The following LLGL1 variants were observed in gnomAD, a reference collection of about 807,000 sequenced individuals.
The protein encoded by LLGL1 is LLGL scribble cell polarity complex component 1.
LLGL1 carries 58 observed loss-of-function variants against 110.6 expected under a neutral mutation model. The ratio of observed to expected loss-of-function variants is 0.52; its 90% CI spans 0.42 to 0.65. The LOEUF (loss-of-function observed/expected upper bound fraction) is 0.65. LLGL1 is among the 30% of genes least tolerant of loss of function. The pLI, the probability that LLGL1 is intolerant of heterozygous loss-of-function variation, is 0.00. For missense variants in LLGL1, 1,229 were observed against 1,462.1 expected (o/e 0.84, Z 2.60); for synonymous variants, 674 against 607.2 (o/e 1.11, Z -1.62).
rs1457741341 is a variant in LLGL1, at chr17:18,234,329, C to T, written c.771C>T (p.Ser257=). The change falls in exon 7 of 23, where the codon AGC becomes AGT. Residue 257 remains serine, a synonymous_variant. Coordinates refer to ENST00000316843, the MANE Select transcript of LLGL1 (RefSeq NM_004140.4). ...GCAGCACTGTGGTCAGCTCACACAG[C>T]GATGGCAGCTATGCTGTCTGGTCTG... is the stretch of plus-strand genomic sequence containing the variant. The part of the protein sequence containing the change: ...RDSSTVVSSH[S]DGSYAVWSVD... 10 of 1,611,960 alleles carry T rather than the reference C, an allele frequency of 6.2e-6. No individual in the cohort carries two copies. In the South Asian group the frequency reaches 6.6e-5, roughly 11 times the overall value.
chr17:18,237,330 T>C, intron 13 of LLGL1, 151 bp from the exon 14 acceptor site: 3 of 731,868 alleles, frequency 4.1e-6, no homozygotes, highest in South Asian at 3.8e-5. Flanking sequence ...ACAGTAGGCA[T>C]TCAGTGAGTG....
rs774656989 is a variant in LLGL1 at position 18,235,249 on chromosome 17, G to C, written c.1221G>C (p.Lys407Asn). ...CSAHVASVPA[K>N]LWARIVSAGE... The stretch of plus-strand genomic sequence containing the variant: ...CCCACGTGGCCAGTGTCCCCGCCAA[G>C]CTGTGGGCCCGCATTGTGAGCGCTG... The change falls in exon 10 of 23, where the codon AAG (lysine) becomes AAC (asparagine). Residue 407 changes from lysine to asparagine, a missense_variant. Coordinates refer to ENST00000316843, the MANE Select transcript of LLGL1 (RefSeq NM_004140.4). 6.2e-7 allele frequency: 1 copy of C among 1,610,788 alleles called. No homozygotes were observed. Among genetic ancestry groups the C allele is most frequent in the African/African-American group, 1.3e-5 (1 of 75,060 alleles).
intron 16 of LLGL1, among the ~76,000 whole-genome samples, chr17:18,238,819 A>G (rs1567694019): frequency 6.6e-6 from 1 of 152,116 alleles, no homozygotes; most frequent in African/African-American, 2.4e-5. Flanking sequence ...GAGACCCGCC[A>G]GGCCAACATG....
intron 8 of LLGL1, 48 bp downstream of exon 8, chr17:18,234,751 G>A (rs1266180116): frequency 1.2e-6 from 2 of 1,613,640 alleles, no homozygotes; most frequent in African/African-American, 1.3e-5. Context: ...CTGGCTAGGG[G>A]GCTGGAAGGG....
chr17:18,240,796 G>T lies in LLGL1; in HGVS notation c.2425G>T (p.Ala809Ser), dbSNP rs776872146. Residue 809 changes from alanine (A) to serine (S), a missense_variant, in exon 17 of 23, where the codon GCC (alanine) becomes TCC (serine). Ala to Ser is a moderately conservative substitution (Grantham distance 99). Transcript: ENST00000316843. This position sits in a 1 kb window ranked among gnomAD's most constrained non-coding sequence, Gnocchi z 5.3. ...CCGCCCACTGCCCGAGCCCTACGAG[G>T]CCTCACGGGACCTGGCGCAGGCACC... ...RGRPLPEPYE[A>S]SRDLAQAPDM... is the part of the protein sequence containing the mutation. 5.0e-5 allele frequency: 80 copies of T among 1,591,880 alleles called. No individual in the cohort carries two copies. Among genetic ancestry groups the T allele is most frequent in the Non-Finnish European group, 6.5e-5 (76 of 1,167,694 alleles).
chr17:18,230,593 G>A (rs1377819633), intron 2 of LLGL1, among the ~76,000 whole-genome samples: 1 of 152,008 alleles, frequency 6.6e-6, no homozygotes, highest in Admixed American at 6.6e-5. Flanking sequence ...GGGTGGGGGT[G>A]GGGGCAGGCC....
Position 18,242,279 on chromosome 17 carries a change from G to T in LLGL1, c.2995+1G>T. On this transcript the variant is annotated splice_donor_variant, in intron 20 of 22. Transcript: ENST00000316843. LOFTEE classifies it high-confidence loss of function. ...GATCCAGCCCACAGCATGGGACCTGGTGAGGGGGGCATGAAAGGGGTCCAG... is the reference window on the plus strand; with the variant it reads ...GATCCAGCCCACAGCATGGGACCTGTTGAGGGGGGCATGAAAGGGGTCCAG... The T allele has an allele frequency of 6.2e-7, 1 of 1,612,468 alleles. No homozygotes were observed. The highest frequency in any genetic ancestry group is 2.2e-5 in the East Asian group (1 of 44,874).
rs1242909731 is a variant in LLGL1 at position 18,242,768 on chromosome 17, C to T, written c.3142C>T (p.Leu1048=). The change falls in exon 22 of 23, where the codon CTG becomes TTG. Residue 1048 remains leucine, a synonymous_variant. Coordinates refer to ENST00000316843, the MANE Select transcript of LLGL1 (RefSeq NM_004140.4). ...LGSSEESEKN[L]RNLAEDEAHA... is the part of the protein sequence containing the mutation. ...CTCCTCTGAGGAGTCAGAGAAGAAC[C>T]TGAGGAACCTGGCAGAAGACGAGGC... 3 of 1,569,550 alleles carry T rather than the reference C, an allele frequency of 1.9e-6. No homozygotes were observed. Among genetic ancestry groups the T allele is most frequent in the Non-Finnish European group, 2.6e-6 (3 of 1,156,836 alleles).
chr17:18,236,755 C>T lies in LLGL1; in HGVS notation c.1501C>T (p.Arg501Cys), dbSNP rs751365881. ...TGCCGAGGACGACTGGCCACCCTTC[C>T]GCAAGGTGGGCCCCTCCCCTGGCCC... ...QAAEDDWPPF[R>C]KVGCFDPYSD... is the part of the protein sequence containing the mutation. The change falls in exon 12 of 23, where the codon CGC becomes TGC. Residue 501 changes from arginine to cysteine, a missense_variant. Transcript: ENST00000316843. The T allele has an allele frequency of 1.7e-5, 28 of 1,612,556 alleles. No homozygotes were observed. Among genetic ancestry groups the T allele is most frequent in the East Asian group, 6.7e-5 (3 of 44,874 alleles).
rs767126252 is a variant in LLGL1 at position 18,232,477 on chromosome 17, T to G, written c.180-18T>G. 2 of 1,610,758 alleles carry G rather than the reference T, an allele frequency of 1.2e-6. No individual in the cohort carries two copies. The highest frequency in any genetic ancestry group is 1.3e-5 in the African/African-American group (1 of 74,864). ...TTGCTGGTCTATGCCTATTTCCACC[T>G]TGACCTGCCACCCTCAGCTATGGTG... On this transcript the variant is annotated intron_variant, in intron 2 of 22. Coordinates refer to ENST00000316843, the MANE Select transcript of LLGL1 (RefSeq NM_004140.4).
chr17:18,235,377 TA>T, intron 10 of LLGL1, 65 bp downstream of exon 10: 1 of 1,605,720 alleles, frequency 6.2e-7, no homozygotes, highest in Non-Finnish European at 8.5e-7. Flanking sequence ...GTTTCAGTTC[TA>T]AGCCCGGAGG....
chr17:18,232,606 C>G, intron 3 of LLGL1, 30 bp downstream of exon 3: 1 of 1,614,062 alleles, frequency 6.2e-7, no homozygotes, highest in East Asian at 2.2e-5. Context: ...TAGCCAGCTC[C>G]CTGTGGCCCC....
At chr17:18,232,900 G>A (rs1025788034) in intron 4 of LLGL1, 98 bp downstream of exon 4, 8 of 1,499,194 alleles carry the variant, frequency 5.3e-6, no homozygotes, top group African/African-American at 1.4e-5. Flanking sequence ...GATGGGCAGC[G>A]GTTCAGGGCG....
At chr17:18,234,244 C>T in intron 6 of LLGL1, 29 bp from the exon 7 acceptor site, 5 of 1,594,080 alleles carry the variant, frequency 3.1e-6, no homozygotes, top group South Asian at 1.1e-5. Flanking sequence ...CTCATGCCTG[C>T]CTGCCTGCCT....
At chr17:18,239,360 A>G (rs2047770528) in intron 16 of LLGL1, among the ~76,000 whole-genome samples, 1 of 152,094 alleles carries the variant, frequency 6.6e-6, no homozygotes, top group Non-Finnish European at 1.5e-5. Flanking sequence ...TTGTTGATTG[A>G]GTCACTGATT....
At chr17:18,226,165 A>ATCTCTGCCTGTCTCCCTTTATC (rs2047436774) in intron 1 of LLGL1, among the ~76,000 whole-genome samples, 4 of 150,296 alleles carry the variant, frequency 2.7e-5, no homozygotes, top group Non-Finnish European at 5.9e-5. Flanking sequence ...GCCCCTTCCT[A>ATCTCTGCCTGTCTCCCTTTATC]TCTCTGCCTG....
chr17:18,232,645 T>G, intron 3 of LLGL1, 27 bp from the exon 4 acceptor site: 1 of 1,614,114 alleles, frequency 6.2e-7, no homozygotes, highest in Non-Finnish European at 8.5e-7. Flanking sequence ...TAGGCCAGCC[T>G]AGTTTTCATC....
chr17:18,238,123 A>G lies in LLGL1; in HGVS notation c.1961A>G (p.Lys654Arg). Reference protein sequence around the residue: ...LAMEGPLSRVKSLKKSLRQSF... With the variant: ...LAMEGPLSRVRSLKKSLRQSF... Reference sequence around the variant, plus strand: ...ATGGAGGGTCCGCTCTCCCGGGTGAAGTCTCTCAAGAAGTCACTGCGCCAG... The same window carrying G: ...ATGGAGGGTCCGCTCTCCCGGGTGAGGTCTCTCAAGAAGTCACTGCGCCAG... Residue 654 changes from lysine (K) to arginine (R), a missense_variant, in exon 15 of 23, where the codon AAG becomes AGG. Coordinates refer to ENST00000316843, the MANE Select transcript of LLGL1 (RefSeq NM_004140.4). 1 of 1,613,824 alleles carries G rather than the reference A, an allele frequency of 6.2e-7. No individual in the cohort carries two copies. The highest frequency in any genetic ancestry group is 8.5e-7 in the Non-Finnish European group (1 of 1,180,014).
chr17:18,241,099 T>A, intron 17 of LLGL1: 1 of 593,616 alleles, frequency 1.7e-6, no homozygotes, highest in Non-Finnish European at 2.9e-6. Flanking sequence ...AGGAATCTAG[T>A]CCTATCTCAC....
Sources: gnomAD v4.1 joint callset for allele counts (sites outside exome capture counted in the v4.1 genomes callset) on GRCh38, gnomAD v4.1.1 for gene constraint, Gnocchi (gnomAD v3.1) non-coding constraint, MANE v1.5 for transcripts, NCBI Gene and HGNC (gene_info 2026-07-23, HGNC 2026-07-21) for gene names.